The following MGMT variants were observed in gnomAD, a reference collection of about 807,000 sequenced individuals.
MGMT encodes the protein O-6-methylguanine-DNA methyltransferase.
Under a neutral mutation model 15.9 loss-of-function variants are expected in MGMT, and 14 were observed. The ratio of observed to expected loss-of-function variants is 0.88; its 90% CI spans 0.58 to 1.37. The LOEUF (loss-of-function observed/expected upper bound fraction) is 1.37. Ranked by LOEUF, MGMT falls within the 40% of genes most tolerant of loss-of-function variation. MGMT has a pLI of 0.00. For synonymous variants in MGMT, 130 were observed against 118.2 expected, an observed-to-expected ratio of 1.10 and a Z score of -0.65; for missense variants, 282 against 268.1, an observed-to-expected ratio of 1.05 and a Z score of -0.36.
In MGMT at chr10:129,488,523, T is replaced by G. The variant is rs550703486; in HGVS notation, c.-13+21227T>G. On this transcript the variant is annotated intron_variant, in intron 1 of 4. Coordinates refer to ENST00000651593, the MANE Select transcript of MGMT (RefSeq NM_002412.5). ...CCAGTTTGTGGCCATGTTTTCATTC[T>G]CTTTATAGTGCCTTTTGATGGACAG... Among the ~76,000 whole-genome samples the G allele has an allele frequency of 7.8e-4, 119 of 152,362 alleles. No homozygotes were observed. The South Asian group carries it at 0.013, about 17-fold the overall frequency.
At chr10:129,635,765 C>T (rs1165473577) in intron 2 of MGMT, among the ~76,000 whole-genome samples, 1 of 152,220 alleles carries the variant, frequency 6.6e-6, no homozygotes, top group African/African-American at 2.4e-5. Flanking sequence ...TAGCAATAGA[C>T]AGACATGTCT....
At chr10:129,568,785 C>T (rs565855034) in intron 2 of MGMT, among the ~76,000 whole-genome samples, 1 of 152,170 alleles carries the variant, frequency 6.6e-6, no homozygotes, top group South Asian at 2.1e-4. Flanking sequence ...CCCACCTCTG[C>T]CCCCTTTTCC....
chr10:129,486,423 A>G lies in MGMT; in HGVS notation c.-13+19127A>G, dbSNP rs1056937220. 5.3e-5 allele frequency among the ~76,000 whole-genome samples: 8 copies of G among 152,162 alleles called. No individual in the cohort carries two copies. The East Asian group carries it at 1.6e-3, about 30-fold the overall frequency. On this transcript the variant is annotated intron_variant, in intron 1 of 4. Transcript: ENST00000651593. ...AGGCTATTCTCGAACTCTTGACCTCAGGTGATCCACCTGCCTCAGCCTCCA... is the reference window on the plus strand; with the variant it reads ...AGGCTATTCTCGAACTCTTGACCTCGGGTGATCCACCTGCCTCAGCCTCCA...
intron 3 of MGMT, among the ~76,000 whole-genome samples, chr10:129,737,173 C>T (rs1263273809): frequency 6.6e-6 from 1 of 152,212 alleles, no homozygotes; most frequent in Admixed American, 6.5e-5. Flanking sequence ...TGGTTCCATT[C>T]TCCCTGTCAC....
intron 2 of MGMT, among the ~76,000 whole-genome samples, chr10:129,651,898 T>C (rs1847462716): frequency 6.6e-6 from 1 of 152,192 alleles, no homozygotes; most frequent in Admixed American, 6.5e-5. Flanking sequence ...TGAATTTCCA[T>C]TAATAACTCA....
chr10:129,477,248 C>G (rs1845306042), intron 1 of MGMT, among the ~76,000 whole-genome samples: 1 of 152,228 alleles, frequency 6.6e-6, no homozygotes, highest in Non-Finnish European at 1.5e-5. Context: ...CACGATCTCT[C>G]TCTGTCTGGG....
chr10:129,609,810 C>T (rs917744302), intron 2 of MGMT, among the ~76,000 whole-genome samples: 4 of 151,890 alleles, frequency 2.6e-5, no homozygotes, highest in South Asian at 2.1e-4. Context: ...AGGAGCAGTG[C>T]GGAGATTTCA....
rs1010250786 is a variant in MGMT, at chr10:129,589,544, A to G, written c.125+53167A>G. On this transcript the variant is annotated intron_variant, in intron 2 of 4. Coordinates refer to ENST00000651593, the MANE Select transcript of MGMT (RefSeq NM_002412.5). ...TCTACTAAATATATAAAATAATCAA[A>G]ACTGAAACTTTCCATTATTCTCAGC... Among the ~76,000 whole-genome samples, 55 of 152,232 alleles carry G rather than the reference A, an allele frequency of 3.6e-4. 1 individual carries two copies. Among genetic ancestry groups the G allele is most frequent in the Non-Finnish European group, 2.4e-4 (16 of 68,042 alleles).
intron 2 of MGMT, among the ~76,000 whole-genome samples, chr10:129,575,629 A>C: frequency 6.7e-6 from 1 of 148,414 alleles, no homozygotes. Flanking sequence ...AAAGAACTAG[A>C]GAAGCAAGAG....
At chr10:129,555,341 A>G (rs559213407) in intron 2 of MGMT, among the ~76,000 whole-genome samples, 3 of 152,246 alleles carry the variant, frequency 2.0e-5, no homozygotes, top group Non-Finnish European at 4.4e-5. Flanking sequence ...TGAGTCCTGG[A>G]GAACAGGGAC....
chr10:129,749,269 C>G (rs1848727808), intron 3 of MGMT, among the ~76,000 whole-genome samples: 1 of 152,176 alleles, frequency 6.6e-6, no homozygotes, highest in Non-Finnish European at 1.5e-5. Context: ...AAAAATCCCC[C>G]TGTGCTCCAC....
intron 2 of MGMT, among the ~76,000 whole-genome samples, chr10:129,613,340 A>G (rs543871601): frequency 4.6e-5 from 7 of 152,196 alleles, no homozygotes; most frequent in African/African-American, 1.4e-4. Flanking sequence ...TCCTTGATCC[A>G]CATTTTGCCT....
At chr10:129,658,294 C>A (rs1043735727) in intron 2 of MGMT, among the ~76,000 whole-genome samples, 5 of 152,094 alleles carry the variant, frequency 3.3e-5, no homozygotes, top group African/African-American at 1.2e-4. Context: ...TGACTAATGA[C>A]GAACAGCGTC....
At chr10:129,631,108 T>C (rs1370851014) in intron 2 of MGMT, among the ~76,000 whole-genome samples, 1 of 152,216 alleles carries the variant, frequency 6.6e-6, no homozygotes, top group African/African-American at 2.4e-5. Context: ...AGGTTATGTA[T>C]TTTGTTTCTC....
chr10:129,558,404 T>C (rs1039784470), intron 2 of MGMT, among the ~76,000 whole-genome samples: 1 of 152,214 alleles, frequency 6.6e-6, no homozygotes, highest in African/African-American at 2.4e-5. Flanking sequence ...GTTGTTATCT[T>C]TGCAGAAGTG....
chr10:129,761,248 C>T (rs1413647615), intron 4 of MGMT, among the ~76,000 whole-genome samples: 2 of 152,178 alleles, frequency 1.3e-5, no homozygotes, highest in Non-Finnish European at 2.9e-5. Flanking sequence ...CTTTGTGCCC[C>T]CCGAGGAGAG....
chr10:129,743,921 T>A (rs1848665846), intron 3 of MGMT, among the ~76,000 whole-genome samples: 1 of 152,214 alleles, frequency 6.6e-6, no homozygotes, highest in East Asian at 1.9e-4. Flanking sequence ...TCAGTGTATT[T>A]GTTTTTATTT....
At chr10:129,705,107 G>A (rs1848145208) in intron 2 of MGMT, among the ~76,000 whole-genome samples, 1 of 152,202 alleles carries the variant, frequency 6.6e-6, no homozygotes, top group African/African-American at 2.4e-5. Context: ...GCTTGGTCAT[G>A]GTGTCACCAC....
At chr10:129,666,140 A>T (rs1589924394) in intron 2 of MGMT, among the ~76,000 whole-genome samples, 2 of 152,202 alleles carry the variant, frequency 1.3e-5, no homozygotes, top group African/African-American at 4.8e-5. Context: ...AGGTGAATCT[A>T]GGTAAAGAAT....
Sources: allele counts gnomAD v4.1 joint callset (sites outside exome capture counted in the v4.1 genomes callset), GRCh38; gene constraint gnomAD v4.1.1; transcripts MANE v1.5; gene names NCBI Gene and HGNC (gene_info 2026-07-23, HGNC 2026-07-21).